Variants in NBPF26 observed in about 807,000 individuals in gnomAD.
NBPF26 encodes the protein NBPF family member NBPF26.
A neutral mutation model predicts 119.6 loss-of-function variants in NBPF26; 79 were observed. The ratio of observed to expected loss-of-function variants is 0.66; its 90% CI spans 0.55 to 0.80. The LOEUF is 0.80. Among genes scored for constraint, NBPF26 ranks in the 30% least tolerant of loss-of-function variants. NBPF26 has a pLI of 0.00. For synonymous variants in NBPF26, 299 were observed against 457.7 expected (o/e 0.65, Z 4.43); for missense variants, 800 against 1,198.2 (o/e 0.67, Z 4.91).
rs1307181737 is a variant in NBPF26 at position 120,778,053 on chromosome 1, G to A, written c.156-6921G>A. On this transcript the variant is annotated intron_variant, in intron 2 of 29. Coordinates refer to ENST00000620612, the Ensembl canonical transcript of NBPF26. ...ACTTTCACTGGTTCCAGCTAGCCTT[G>A]GCTGTTAGCAATTACTTTTATCTAC... is the stretch of plus-strand genomic sequence containing the variant. Among the ~76,000 whole-genome samples, 2 of 88,978 alleles carry A rather than the reference G, an allele frequency of 2.2e-5. 1 individual carries two copies. Among genetic ancestry groups the A allele is most frequent in the African/African-American group, 1.7e-4 (2 of 11,550 alleles). The allele number at this position is 88,978 out of a possible 152,430, so 58.4% of individuals were successfully genotyped here.
chr1:120,806,919 G>C (rs1454942003), intron 5 of NBPF26, among the ~76,000 whole-genome samples: 1 of 125,842 alleles, frequency 7.9e-6, no homozygotes, highest in Non-Finnish European at 1.6e-5. Flanking sequence ...AACATTAATT[G>C]GCACAGTGTA....
At position 120,765,176 on chromosome 1, in the gene NBPF26, CAT is replaced by C. The variant is rs1438539701; in HGVS notation, c.155+1468_155+1469del. On this transcript the variant is annotated intron_variant, in intron 2 of 29. Coordinates refer to ENST00000620612, the Ensembl canonical transcript of NBPF26. Reference sequence around the variant, plus strand: ...TTTTCTAGCTGGGGGAAAAAAAAAACATGTGGTGCATTCTCCTCTAAGAATGG... The same window carrying C: ...TTTTCTAGCTGGGGGAAAAAAAAAACGTGGTGCATTCTCCTCTAAGAATGG... Among the ~76,000 whole-genome samples, 18 of 119,978 alleles carry C rather than the reference CAT, an allele frequency of 1.5e-4. 3 individuals are homozygous for C. Among genetic ancestry groups the C allele is most frequent in the South Asian group, 7.5e-4 (3 of 4,020 alleles). 78.7% of individuals were successfully genotyped at this position (119,978 alleles called of 152,430 possible). A position where few individuals can be genotyped will look rare whatever the true frequency, so the allele number is the denominator to read the frequency against.
Position 120,817,257 on chromosome 1 carries a change from C to CTT in NBPF26, c.2371+432_2371+433dup, listed in dbSNP as rs1344821631. On this transcript the variant is annotated intron_variant, in intron 14 of 29. Transcript: ENST00000620612. The stretch of plus-strand genomic sequence containing the variant: ...TGCTCTCAGCTTTCATCTGGATCTC[C>CTT]TTTAAGTCAGCTTGCTTAGCTGCAC... Among the ~76,000 whole-genome samples, 5 of 113,244 alleles carry CTT rather than the reference C, an allele frequency of 4.4e-5. 1 individual carries two copies. Among genetic ancestry groups the CTT allele is most frequent in the African/African-American group, 2.7e-4 (5 of 18,816 alleles). The allele number at this position is 113,244 out of a possible 152,430, so 74.3% of individuals were successfully genotyped here.
Position 120,793,260 on chromosome 1 carries a change from C to T in NBPF26, c.515C>T (p.Thr172Ile). Residue 172 changes from threonine (T) to isoleucine (I), a missense_variant, in exon 4 of 30, where the codon ACA (threonine) becomes ATA (isoleucine). Coordinates refer to ENST00000620612, the Ensembl canonical transcript of NBPF26. The stretch of plus-strand genomic sequence containing the variant: ...AACCAGTTCTCCTGCAAATGCCTCA[C>T]AGGCTTCACAGGGCAGAAGTGTGAG... The T allele has an allele frequency of 2.1e-6, 3 of 1,396,606 alleles. 1 individual carries two copies. The highest frequency in any genetic ancestry group is 2.9e-6 in the Non-Finnish European group (3 of 1,039,558). The allele number at this position is 1,396,606 out of a possible 1,614,324, so 86.5% of individuals were successfully genotyped here. A position where few individuals can be genotyped will look rare whatever the true frequency, so the allele number is the denominator to read the frequency against.
At chr1:120,811,084 C>CAAAAA (rs1271078942) in intron 9 of NBPF26, among the ~76,000 whole-genome samples, 1 of 83,304 alleles carries the variant, frequency 1.2e-5, no homozygotes, top group African/African-American at 8.1e-5. Flanking sequence ...ACTAAAAATA[C>CAAAAA]AAAAAAAAAA....
At position 120,743,746 on chromosome 1, in the gene NBPF26, C is replaced by T. The variant is rs1442613790; in HGVS notation, c.73+19496C>T. ...ACTAATGTAGAGTTTGAAAAAACACCGTAAGCCTGCATTCCAGAAGTTCTG... is the reference window on the plus strand; with the variant it reads ...ACTAATGTAGAGTTTGAAAAAACACTGTAAGCCTGCATTCCAGAAGTTCTG... On this transcript the variant is annotated intron_variant, in intron 1 of 29. Transcript: ENST00000620612. Among the ~76,000 whole-genome samples, 3 of 119,534 alleles carry T rather than the reference C, an allele frequency of 2.5e-5. 1 individual carries two copies. The highest frequency in any genetic ancestry group is 4.5e-4 in the East Asian group (2 of 4,480). 78.4% of individuals were successfully genotyped at this position (119,534 alleles called of 152,430 possible).
intron 3 of NBPF26, among the ~76,000 whole-genome samples, chr1:120,790,010 CTTTTTTTTTTTT>C (rs1174501165): frequency 2.9e-5 from 1 of 34,940 alleles, no homozygotes; most frequent in Non-Finnish European, 5.0e-5. Context: ...TTCTGATCAC[CTTTTTTTTTTTT>C]TTTTTTTTTT....
chr1:120,840,669 C>G, downstream of NBPF26: 6 of 1,432,476 alleles, frequency 4.2e-6, 2 homozygotes, highest in Non-Finnish European at 5.6e-6. Context: ...AATGAAAGTA[C>G]AGTTCCATTT....
At chr1:120,763,652 A>T in exon 2 of NBPF26, 3 of 1,410,744 alleles carry the variant, frequency 2.1e-6, no homozygotes, top group Non-Finnish European at 2.8e-6. Flanking sequence ...GATGGCTATG[A>T]ACCCTGTGTA....
rs1187927117 is a variant in NBPF26 at position 120,816,650 on chromosome 1, G to C, written c.2194G>C (p.Val732Leu). 2 of 1,121,060 alleles carry C rather than the reference G, an allele frequency of 1.8e-6. 1 individual carries two copies. Among genetic ancestry groups the C allele is most frequent in the East Asian group, 4.8e-5 (2 of 41,408 alleles). The allele number at this position is 1,121,060 out of a possible 1,614,324, so 69.4% of individuals were successfully genotyped here. ...GATGCAGAAGGCTGAAGAAAAGGAA[G>C]TCCCTGAGGACTCACTGGAGGAATG... Residue 732 changes from valine (V) to leucine (L), a missense_variant, in exon 14 of 30, where the codon GTC (valine) becomes CTC (leucine). By Grantham distance (32) the Val-to-Leu change is conservative. Coordinates refer to ENST00000620612, the Ensembl canonical transcript of NBPF26.
chr1:120,793,817 A>G lies in NBPF26; in HGVS notation c.751+321A>G. ...CAAGTCTGGAATGGAAAAGAACACGATGAGAATTAGACACTGGAAAATATG... is the reference window on the plus strand; with the variant it reads ...CAAGTCTGGAATGGAAAAGAACACGGTGAGAATTAGACACTGGAAAATATG... On this transcript the variant is annotated intron_variant, in intron 4 of 29. Transcript: ENST00000620612. 2.1e-6 allele frequency: 2 copies of G among 944,050 alleles called. 1 individual carries two copies. Among genetic ancestry groups the G allele is most frequent in the Non-Finnish European group, 3.2e-6 (2 of 631,570 alleles). The allele number at this position is 944,050 out of a possible 1,614,324, so 58.5% of individuals were successfully genotyped here.
intron 9 of NBPF26, 150 bp downstream of exon 9, chr1:120,810,708 C>G: frequency 1.1e-6 from 1 of 877,120 alleles, no homozygotes; most frequent in Non-Finnish European, 1.7e-6. Context: ...AATCACAGCA[C>G]TTTGGAAGGC....
intron 2 of NBPF26, among the ~76,000 whole-genome samples, chr1:120,781,857 T>C (rs1387990905): frequency 0.029 from 3,299 of 115,712 alleles, 505 homozygotes; most frequent in African/African-American, 0.11. Context: ...CGCACCTGGC[T>C]TAGCTGTAAA....
At chr1:120,840,549 A>C (rs1553273563) in exon 30 of NBPF26, 1 of 1,467,386 alleles carries the variant, frequency 6.8e-7, no homozygotes, top group Non-Finnish European at 9.2e-7. Flanking sequence ...GACGGTGACA[A>C]GTCTCCACCT....
chr1:120,815,458 G>T (rs1194812025), intron 12 of NBPF26, among the ~76,000 whole-genome samples: 2 of 103,076 alleles, frequency 1.9e-5, no homozygotes, highest in East Asian at 5.1e-4. Flanking sequence ...CTCCGTGGCA[G>T]ACAAATTGTC....
intron 4 of NBPF26, among the ~76,000 whole-genome samples, chr1:120,802,329 G>T (rs1651592158): frequency 7.9e-6 from 1 of 126,038 alleles, no homozygotes; most frequent in African/African-American, 3.7e-5. Context: ...CTTGGGGGTA[G>T]GACCCATTGA....
At chr1:120,807,396 C>T (rs1651724653) in intron 5 of NBPF26, among the ~76,000 whole-genome samples, 1 of 124,474 alleles carries the variant, frequency 8.0e-6, no homozygotes, top group African/African-American at 3.9e-5. Context: ...TTGATGCGCC[C>T]TTGAGTTTCT....
chr1:120,734,424 G>T (rs1191767292), intron 1 of NBPF26, among the ~76,000 whole-genome samples: 1 of 89,596 alleles, frequency 1.1e-5, no homozygotes, highest in Non-Finnish European at 2.1e-5. Context: ...TTTTTTTAAT[G>T]GTGTAGTTCA....
intron 3 of NBPF26, 141 bp from the exon 4 acceptor site, chr1:120,793,020 A>T: frequency 3.7e-6 from 2 of 533,650 alleles, no homozygotes; most frequent in South Asian, 4.0e-5. Context: ...TACCTTGAGG[A>T]GGCTCTGATT....
Sources: allele counts gnomAD v4.1 joint callset (sites outside exome capture counted in the v4.1 genomes callset), GRCh38; gene constraint gnomAD v4.1.1; transcripts MANE v1.5; gene names NCBI Gene and HGNC (gene_info 2026-07-23, HGNC 2026-07-21).